The following IQGAP3 variants were observed in gnomAD, a reference collection of about 807,000 sequenced individuals.
IQGAP3 encodes ras GTPase-activating-like protein IQGAP3.
Under a neutral mutation model 208.2 loss-of-function variants are expected in IQGAP3, and 165 were observed. That is an observed-to-expected ratio of 0.79 (90% CI 0.70 to 0.90). IQGAP3 has a LOEUF of 0.90. Ranked by LOEUF, IQGAP3 falls within the 40% of genes least tolerant of loss-of-function variation. The pLI is 0.00. For missense variants in IQGAP3, 1,811 were observed against 2,043.1 expected (o/e 0.89, Z 2.19); for synonymous variants, 703 against 803.6 (o/e 0.87, Z 2.12).
chr1:156,539,593 T>C (rs1389973821), intron 24 of IQGAP3, 56 bp from the exon 25 acceptor site: 16 of 1,568,592 alleles, frequency 1.0e-5, no homozygotes, highest in African/African-American at 5.4e-5. Flanking sequence ...GGACCAGTGA[T>C]AGGATAAGGA....
Position 156,554,279 on chromosome 1 carries a change from G to T in IQGAP3, c.1404C>A (p.Asn468Lys). 1 of 1,613,900 alleles carries T rather than the reference G, an allele frequency of 6.2e-7. No homozygotes were observed. The highest frequency in any genetic ancestry group is 8.5e-7 in the Non-Finnish European group (1 of 1,179,938). Residue 468 changes from asparagine to lysine, a missense_variant, in exon 13 of 38, where the codon AAC becomes AAA. By Grantham distance (94) the Asn-to-Lys change is moderately conservative. Coordinates refer to ENST00000361170, the MANE Select transcript of IQGAP3 (RefSeq NM_178229.5). ...DASGFWSSLV[N>K]PATGLAEVEG... ...CCACCTCAGCCAGGCCTGTGGCAGG[G>T]TTCACCAGGCTGCTCCAGAAGCCAC...
chr1:156,540,672 A>T lies in IQGAP3; in HGVS notation c.2739+36T>A. On this transcript the variant is annotated intron_variant, in intron 23 of 37. Coordinates refer to ENST00000361170, the MANE Select transcript of IQGAP3 (RefSeq NM_178229.5). ...CAGCATCACATCTCCAGAGGCAGGC[A>T]GATCTCGGGGAGGGGAGGACTGGTG... 3 of 1,556,936 alleles carry T rather than the reference A, an allele frequency of 1.9e-6. No individual in the cohort carries two copies. The South Asian group carries it at 3.3e-5, about 17-fold the overall frequency.
At chr1:156,552,787 C>T (rs1270240250) in intron 13 of IQGAP3, among the ~76,000 whole-genome samples, 3 of 152,172 alleles carry the variant, frequency 2.0e-5, no homozygotes, top group Non-Finnish European at 4.4e-5. Flanking sequence ...TTAAGTAGAT[C>T]AGATCGCTGG....
chr1:156,565,235 C>T (rs1209591310), intron 4 of IQGAP3, among the ~76,000 whole-genome samples: 1 of 152,180 alleles, frequency 6.6e-6, no homozygotes, highest in Non-Finnish European at 1.5e-5. Flanking sequence ...CGAGTGGCAC[C>T]AGGTATGGCT....
At chr1:156,544,094 C>T (rs1269066943) in intron 21 of IQGAP3, 44 bp from the exon 22 acceptor site, 3 of 1,612,946 alleles carry the variant, frequency 1.9e-6, no homozygotes, top group Admixed American at 3.3e-5. Context: ...GCTGTCCTTG[C>T]TCTAGTCTCA....
chr1:156,564,671 C>T lies in IQGAP3; in HGVS notation c.381G>A (p.Thr127=), dbSNP rs138994698. The T allele has an allele frequency of 9.3e-6, 15 of 1,613,628 alleles. No homozygotes were observed. The highest frequency in any genetic ancestry group is 1.7e-4 in the Middle Eastern group (1 of 6,038). ...GLPSTFFPET[T]DIYDKKNMPR... is the part of the protein sequence containing the mutation. ...GCATGTTCTTTTTGTCATAGATGTC[C>T]GTGGTCTCTGGGAAGAAGGTCTAGA... is the stretch of plus-strand genomic sequence containing the variant. The change falls in exon 5 of 38, where the codon ACG becomes ACA. Residue 127 remains threonine (T), a synonymous_variant. Transcript: ENST00000361170.
At chr1:156,527,876 G>T in intron 37 of IQGAP3, 76 bp downstream of exon 37, 2 of 963,252 alleles carry the variant, frequency 2.1e-6, no homozygotes. Context: ...CTAGGAAAGT[G>T]AGGCCAGCTG....
intron 1 of IQGAP3, 54 bp downstream of exon 1, chr1:156,572,439 C>A (rs1676688753): frequency 1.5e-5 from 24 of 1,579,382 alleles, no homozygotes; most frequent in Non-Finnish European, 1.9e-5. Context: ...GACAGCCAAG[C>A]CCCCGACCAG....
chr1:156,549,548 C>T (rs528718863), intron 16 of IQGAP3, among the ~76,000 whole-genome samples: 3 of 151,850 alleles, frequency 2.0e-5, no homozygotes, highest in Non-Finnish European at 2.9e-5. Flanking sequence ...CTCAGGAATC[C>T]GAGGTGGGAG....
At chr1:156,564,530 C>T (rs1043720491) in intron 5 of IQGAP3, 85 bp downstream of exon 5, 1 of 889,546 alleles carries the variant, frequency 1.1e-6, no homozygotes, top group East Asian at 2.4e-5. Flanking sequence ...ACCCTTCATC[C>T]TTCTTTCTTG....
At chr1:156,553,756 T>G (rs1322911983) in intron 13 of IQGAP3, among the ~76,000 whole-genome samples, 1 of 152,096 alleles carries the variant, frequency 6.6e-6, no homozygotes, top group Non-Finnish European at 1.5e-5. Context: ...TAATTTTGTA[T>G]TTTTAGTAGA....
chr1:156,563,896 G>T, intron 5 of IQGAP3, 72 bp from the exon 6 acceptor site: 2 of 1,281,164 alleles, frequency 1.6e-6, no homozygotes, highest in South Asian at 1.3e-5. Context: ...CGATGGGTTT[G>T]AAGGGGATAC....
chr1:156,534,542 C>G lies in IQGAP3; in HGVS notation c.3699G>C (p.Arg1233=). The G allele has an allele frequency of 1.2e-6, 2 of 1,603,776 alleles. No homozygotes were observed. The highest frequency in any genetic ancestry group is 1.7e-6 in the Non-Finnish European group (2 of 1,175,234). Residue 1233 remains arginine, a synonymous_variant, in exon 29 of 38, where the codon CGG becomes CGC. Transcript: ENST00000361170. The part of the protein sequence containing the change: ...KAFSGQSQHL[R]VLNDYLEETH... Reference sequence around the variant, plus strand: ...TTTCCTCCAGATAGTCATTCAGGACCCGTAGGTGCTGGCTCTGCCCAGAGA... The same window carrying G: ...TTTCCTCCAGATAGTCATTCAGGACGCGTAGGTGCTGGCTCTGCCCAGAGA...
At chr1:156,540,391 AGAGGTG>A in intron 23 of IQGAP3, among the ~76,000 whole-genome samples, 1 of 152,298 alleles carries the variant, frequency 6.6e-6, no homozygotes, top group East Asian at 1.9e-4. Flanking sequence ...TTTGGCCTGG[AGAGGTG>A]GACATTCTCA....
At position 156,526,297 on chromosome 1, in the gene IQGAP3, T is replaced by C; in HGVS notation, c.*189A>G. On this transcript the variant is annotated 3_prime_UTR_variant, in exon 38 of 38. Coordinates refer to ENST00000361170, the MANE Select transcript of IQGAP3 (RefSeq NM_178229.5). ...GCTGGACTCTGGGCAAGGCCCACTT[T>C]AGCCAATTAGAAGATACACTGTCTG... is the stretch of plus-strand genomic sequence containing the variant. The C allele has an allele frequency of 1.7e-6, 1 of 589,764 alleles. No homozygotes were observed. The highest frequency in any genetic ancestry group is 2.0e-5 in the South Asian group (1 of 49,438). The allele number at this position is 589,764 out of a possible 1,614,324, so 36.5% of individuals were successfully genotyped here. A position where few individuals can be genotyped will look rare whatever the true frequency, so the allele number is the denominator to read the frequency against.
chr1:156,530,389 T>A, intron 33 of IQGAP3, 72 bp from the exon 34 acceptor site: 2 of 1,340,838 alleles, frequency 1.5e-6, no homozygotes, highest in East Asian at 2.4e-5. Context: ...GAAGGTCCCA[T>A]GGGCACCAGC....
chr1:156,544,284 G>T, intron 20 of IQGAP3, 61 bp from the exon 21 acceptor site: 12 of 1,581,658 alleles, frequency 7.6e-6, no homozygotes, highest in Non-Finnish European at 9.6e-6. Context: ...TCAGTCTCAG[G>T]CCAATTCAGC....
At chr1:156,568,108 T>A (rs1676488263) in intron 2 of IQGAP3, among the ~76,000 whole-genome samples, 1 of 152,186 alleles carries the variant, frequency 6.6e-6, no homozygotes, top group Non-Finnish European at 1.5e-5. Flanking sequence ...ATGTTAAATA[T>A]CACATATTTT....
intron 7 of IQGAP3, 110 bp from the exon 8 acceptor site, chr1:156,563,422 A>G (rs1676254813): frequency 2.9e-6 from 4 of 1,362,966 alleles, no homozygotes; most frequent in Non-Finnish European, 4.0e-6. Context: ...CTCAAGGGCC[A>G]GACAAACCAG....
Sources: gnomAD v4.1 joint callset for allele counts (sites outside exome capture counted in the v4.1 genomes callset) on GRCh38, gnomAD v4.1.1 for gene constraint, MANE v1.5 for transcripts, NCBI Gene and HGNC (gene_info 2026-07-23, HGNC 2026-07-21) for gene names.